The following MICAL2 variants were observed in gnomAD, a reference collection of about 807,000 sequenced individuals.
The protein encoded by MICAL2 is [F-actin]-monooxygenase MICAL2.
MICAL2 carries 77 observed loss-of-function variants against 127.3 expected under a neutral mutation model. The observed-to-expected ratio is 0.60, with a 90% confidence interval of 0.50 to 0.73. The LOEUF (loss-of-function observed/expected upper bound fraction) is 0.73, where lower values mean the gene tolerates loss of function less well. Ranked by LOEUF, MICAL2 falls within the 30% of genes least tolerant of loss-of-function variation. The probability of loss-of-function intolerance (pLI) is 0.00; values close to 1 mark genes in which losing one functional copy is unlikely to be tolerated. For missense variants in MICAL2, 1,351 were observed against 1,434.4 expected, an observed-to-expected ratio of 0.94 and a Z score of 0.94; for synonymous variants, 570 against 551.1, an observed-to-expected ratio of 1.03 and a Z score of -0.48.
chr11:12,257,107 T>C, intron 24 of MICAL2, 136 bp downstream of exon 24: 1 of 969,074 alleles, frequency 1.0e-6, no homozygotes, highest in Non-Finnish European at 1.5e-6. Flanking sequence ...TCAGGAAAGC[T>C]GCTCAGGGAG....
In MICAL2 at chr11:12,241,106, T is replaced by G. The variant is rs545307062; in HGVS notation, c.2281T>G (p.Cys761Gly). Residue 761 changes from cysteine to glycine, a missense_variant, in exon 18 of 28, where the codon TGC becomes GGC. Physicochemically the swap from Cys to Gly is radical, Grantham distance 159. Coordinates refer to ENST00000683283, the MANE Select transcript of MICAL2 (RefSeq NM_001282663.2). ...CSSSGPPVHS[C>G]CPKPEEATPS... Reference sequence around the variant, plus strand: ...TTCCTCCGGCCCTCCTGTTCACTCTTGCTGCCCCAAGCCGGAGGAGGCCAC... The same window carrying G: ...TTCCTCCGGCCCTCCTGTTCACTCTGGCTGCCCCAAGCCGGAGGAGGCCAC... 1.9e-6 allele frequency: 3 copies of G among 1,614,188 alleles called. No homozygotes were observed. Among genetic ancestry groups the G allele is most frequent in the Middle Eastern group, 1.6e-4 (1 of 6,062 alleles).
intron 21 of MICAL2, among the ~76,000 whole-genome samples, chr11:12,244,873 A>G (rs1360894098): frequency 2.0e-5 from 3 of 152,222 alleles, no homozygotes; most frequent in Non-Finnish European, 4.4e-5. Context: ...ATTTCATTTT[A>G]TCCTCTGGGT....
At chr11:12,163,115 A>G (rs1396490435) in intron 3 of MICAL2, among the ~76,000 whole-genome samples, 1 of 152,098 alleles carries the variant, frequency 6.6e-6, no homozygotes, top group Non-Finnish European at 1.5e-5. Flanking sequence ...CCACACTCAT[A>G]GTTAAGCCTA....
At chr11:12,136,426 G>A (rs1278469151) in intron 1 of MICAL2, among the ~76,000 whole-genome samples, 1 of 152,128 alleles carries the variant, frequency 6.6e-6, no homozygotes, top group Non-Finnish European at 1.5e-5. Flanking sequence ...TTGCTGGGAG[G>A]ATTAGCTGAG....
At chr11:12,207,352 T>C (rs1168201890) in intron 4 of MICAL2, among the ~76,000 whole-genome samples, 2 of 152,170 alleles carry the variant, frequency 1.3e-5, no homozygotes, top group East Asian at 1.9e-4. Context: ...ACCCACCAAA[T>C]ACAGAAGGGC....
Position 12,152,297 on chromosome 11 carries a change from CAAAAAAAA to C in MICAL2, c.-77-9762_-77-9755del, listed in dbSNP as rs540812572. Among the ~76,000 whole-genome samples, 69 of 38,396 alleles carry C rather than the reference CAAAAAAAA, an allele frequency of 1.8e-3. 1 individual carries two copies. In the South Asian group the frequency reaches 0.043, roughly 24 times the overall value. The allele number at this position is 38,396 out of a possible 152,430, so 25.2% of individuals were successfully genotyped here. ...TTGGCAACAAAGCAAGACTCTGTCT[CAAAAAAAA>C]AAAAAAAAAAAAAAAAAAAGAATAA... On this transcript the variant is annotated intron_variant, in intron 2 of 27. Coordinates refer to ENST00000683283, the MANE Select transcript of MICAL2 (RefSeq NM_001282663.2).
chr11:12,349,834 G>A, intron 32 of MICAL2: 2 of 1,613,932 alleles, frequency 1.2e-6, no homozygotes, highest in Non-Finnish European at 1.7e-6. Flanking sequence ...GATTTCTTAA[G>A]CAGATTCAGG....
chr11:12,258,983 G>T (rs1455148357), intron 25 of MICAL2, among the ~76,000 whole-genome samples: 1 of 152,236 alleles, frequency 6.6e-6, no homozygotes, highest in Non-Finnish European at 1.5e-5. Flanking sequence ...TCAACAAAGT[G>T]ACCAGCCCAC....
At chr11:12,244,975 G>A (rs1477872440) in intron 21 of MICAL2, among the ~76,000 whole-genome samples, 1 of 152,222 alleles carries the variant, frequency 6.6e-6, no homozygotes, top group Non-Finnish European at 1.5e-5. Context: ...GAAGAGTGGG[G>A]AGCTAACTTT....
chr11:12,148,133 G>T (rs763428098), intron 2 of MICAL2, among the ~76,000 whole-genome samples: 5 of 152,130 alleles, frequency 3.3e-5, no homozygotes, highest in Non-Finnish European at 7.3e-5. Flanking sequence ...CACATGTCTT[G>T]GCACTCACCT....
chr11:12,220,597 C>T, intron 9 of MICAL2, 139 bp downstream of exon 9: 2 of 1,251,150 alleles, frequency 1.6e-6, no homozygotes, highest in South Asian at 3.0e-5. Flanking sequence ...CAAGCCTGTC[C>T]CGGCCTCAGA....
chr11:12,226,346 CG>C lies in MICAL2; in HGVS notation c.1868del (p.Gly623AlafsTer4). On this transcript the variant is annotated frameshift_variant, in exon 14 of 28. Coordinates refer to ENST00000683283, the MANE Select transcript of MICAL2 (RefSeq NM_001282663.2). LOFTEE classifies it high-confidence loss of function. ...MYLSKFYELF[R>X]GTPLRPVDSW... ...CCTCTCCAAGTTCTACGAGCTCTTC[CG>C]GGGCACCCCACTGAGGCCCGTGGGT... 2 of 1,614,070 alleles carry C rather than the reference CG, an allele frequency of 1.2e-6. No homozygotes were observed. The highest frequency in any genetic ancestry group is 1.7e-6 in the Non-Finnish European group (2 of 1,179,962).
chr11:12,113,073 C>G (rs1309371871), intron 1 of MICAL2, among the ~76,000 whole-genome samples: 5 of 152,182 alleles, frequency 3.3e-5, no homozygotes, highest in Admixed American at 2.6e-4. Context: ...CTTGGTTAAA[C>G]ATTGCTGATC....
At chr11:12,192,818 G>A (rs1366777562) in intron 3 of MICAL2, among the ~76,000 whole-genome samples, 1 of 152,102 alleles carries the variant, frequency 6.6e-6, no homozygotes, top group African/African-American at 2.4e-5. Context: ...AAGGAGGGAG[G>A]AGAGGAGCCG....
rs2134387997 is a variant in MICAL2, at chr11:12,232,548, C to A, written c.1996-3629C>A. Reference sequence around the variant, plus strand: ...GACCAGCCTGGCCAACAAAGTGAAACCCTGTCTCTACTAAAAATACAAAAA... The same window carrying A: ...GACCAGCCTGGCCAACAAAGTGAAAACCTGTCTCTACTAAAAATACAAAAA... On this transcript the variant is annotated intron_variant, in intron 15 of 27. Coordinates refer to ENST00000683283, the MANE Select transcript of MICAL2 (RefSeq NM_001282663.2). Among the ~76,000 whole-genome samples, 4 of 152,202 alleles carry A rather than the reference C, an allele frequency of 2.6e-5. No individual in the cohort carries two copies. The South Asian group carries it at 8.3e-4, about 32-fold the overall frequency.
At chr11:12,294,597 C>A, downstream of MICAL2, 1 of 1,614,208 alleles carries the variant, frequency 6.2e-7, no homozygotes, top group East Asian at 2.2e-5. Context: ...GCTTCTAAGC[C>A]TCCAAAGAAA....
chr11:12,122,750 A>G (rs964014854), intron 1 of MICAL2, among the ~76,000 whole-genome samples: 5 of 152,196 alleles, frequency 3.3e-5, no homozygotes, highest in African/African-American at 1.2e-4. Context: ...CAGTCAAAGC[A>G]CCTGTGTGTG....
chr11:12,292,441 G>T, downstream of MICAL2: 1 of 864,946 alleles, frequency 1.2e-6, no homozygotes, highest in Non-Finnish European at 1.8e-6. Flanking sequence ...TCTGTCAAGG[G>T]TCTACCCCAG....
rs77047573 is a variant in MICAL2 at position 12,345,197 on chromosome 11, G to A, written c.5516-4641G>A. ...ATTTTGAGATTACTAGAAACCACTC[G>A]TGTTTCGTGAGAAGCTGTGAAAAAC... On this transcript the variant is annotated intron_variant, in intron 32 of 34. Transcript: ENST00000646065. Among the ~76,000 whole-genome samples the A allele has an allele frequency of 4.3e-3, 650 of 152,234 alleles. 7 individuals are homozygous for A. Among genetic ancestry groups the A allele is most frequent in the Admixed American group, 7.1e-3 (109 of 15,282 alleles).
Sources: gnomAD v4.1 joint callset for allele counts (sites outside exome capture counted in the v4.1 genomes callset) on GRCh38, gnomAD v4.1.1 for gene constraint, MANE v1.5 for transcripts, NCBI Gene and HGNC (gene_info 2026-07-23, HGNC 2026-07-21) for gene names.